PCNX1: variants seen among roughly 807,000 people sequenced by gnomAD.
The protein encoded by PCNX1 is pecanex-like protein 1.
PCNX1 carries 78 observed loss-of-function variants against 242.2 expected under a neutral mutation model. That is an observed-to-expected ratio of 0.32 (90% confidence interval 0.27 to 0.39). PCNX1 has a LOEUF of 0.39. PCNX1 is among the 10% of genes least tolerant of loss of function. PCNX1 has a pLI of 1.00. For synonymous variants in PCNX1, 1,024 were observed against 1,032.9 expected (o/e 0.99, Z 0.17); for missense variants, 2,581 against 2,856.5 (o/e 0.90, Z 2.20).
intron 1 of PCNX1, among the ~76,000 whole-genome samples, chr14:70,932,115 A>G (rs534874923): frequency 2.4e-4 from 36 of 152,324 alleles, no homozygotes; most frequent in African/African-American, 7.9e-4. Context: ...CAACAAGAGC[A>G]AAACTCCATC....
chr14:71,037,108 G>T (rs1396572172), intron 19 of PCNX1, among the ~76,000 whole-genome samples: 1 of 152,000 alleles, frequency 6.6e-6, no homozygotes, highest in African/African-American at 2.4e-5. Context: ...CTGGTGTATA[G>T]GAATGCTTGT....
intron 26 of PCNX1, among the ~76,000 whole-genome samples, chr14:71,071,446 G>T (rs2061584354): frequency 6.6e-6 from 1 of 152,158 alleles, no homozygotes; most frequent in African/African-American, 2.4e-5. Context: ...TGTTGGAGGA[G>T]GGGTTTGGTG....
intron 16 of PCNX1, among the ~76,000 whole-genome samples, chr14:71,029,126 A>G (rs538179848): frequency 6.6e-6 from 1 of 152,162 alleles, no homozygotes; most frequent in Non-Finnish European, 1.5e-5. Context: ...GAATTTAACT[A>G]CTTTTCCTAT....
intron 15 of PCNX1, among the ~76,000 whole-genome samples, chr14:71,027,487 A>C (rs1387048328): frequency 6.6e-6 from 1 of 151,960 alleles, no homozygotes; most frequent in Non-Finnish European, 1.5e-5. Context: ...TCATATCAGC[A>C]TACACCATGG....
chr14:71,090,364 T>C (rs979869392), intron 30 of PCNX1, among the ~76,000 whole-genome samples: 2 of 152,218 alleles, frequency 1.3e-5, no homozygotes, highest in African/African-American at 4.8e-5. Context: ...TTAAAGTGTA[T>C]CTGCAGTGCT....
At chr14:70,952,899 C>T (rs1349060143) in intron 2 of PCNX1, among the ~76,000 whole-genome samples, 1 of 152,106 alleles carries the variant, frequency 6.6e-6, no homozygotes, top group African/African-American at 2.4e-5. Flanking sequence ...CCTTATTGTT[C>T]ACATCTTCAT....
At chr14:70,963,311 G>A (rs1402969072) in intron 3 of PCNX1, among the ~76,000 whole-genome samples, 4 of 152,078 alleles carry the variant, frequency 2.6e-5, no homozygotes, top group Non-Finnish European at 5.9e-5. Flanking sequence ...CACTTTACAA[G>A]GCTCTACAGA....
chr14:70,936,049 G>A (rs1000677575), intron 1 of PCNX1, among the ~76,000 whole-genome samples: 3 of 152,110 alleles, frequency 2.0e-5, no homozygotes, highest in African/African-American at 4.8e-5. Flanking sequence ...CTCAGAAAAG[G>A]CTATTCAGAG....
intron 27 of PCNX1, among the ~76,000 whole-genome samples, chr14:71,074,986 T>TTC (rs1203674899): frequency 1.4e-4 from 21 of 147,640 alleles, no homozygotes; most frequent in African/African-American, 5.3e-4. Flanking sequence ...TTTTCTTTTC[T>TTC]TCTCTTTTTT....
intron 1 of PCNX1, among the ~76,000 whole-genome samples, chr14:70,924,231 CA>C (rs60333920): frequency 0.5 from 48,475 of 97,514 alleles, 8,443 homozygotes; most frequent in Middle Eastern, 0.55. Context: ...GAGACTGTCT[CA>C]AAAAAAAAAA....
intron 1 of PCNX1, among the ~76,000 whole-genome samples, chr14:70,921,475 T>G (rs1337104804): frequency 2.0e-5 from 3 of 152,160 alleles, no homozygotes; most frequent in Non-Finnish European, 4.4e-5. Context: ...AGATAAGATC[T>G]GCCTATGTTG....
chr14:70,910,869 A>G (rs2055871377), intron 1 of PCNX1, among the ~76,000 whole-genome samples: 1 of 152,200 alleles, frequency 6.6e-6, no homozygotes, highest in Non-Finnish European at 1.5e-5. Context: ...GGAACTTAAA[A>G]TCTAGCCTGG....
chr14:71,024,857 T>C (rs529180033), intron 13 of PCNX1, among the ~76,000 whole-genome samples: 160 of 152,328 alleles, frequency 1.1e-3, no homozygotes, highest in African/African-American at 3.8e-3. Context: ...TTCACATATG[T>C]GCACTGGGGA....
At chr14:71,005,898 C>T (rs1042652684) in intron 8 of PCNX1, among the ~76,000 whole-genome samples, 8 of 150,842 alleles carry the variant, frequency 5.3e-5, no homozygotes, top group African/African-American at 2.0e-4. Flanking sequence ...AATAAGACTG[C>T]TAAGAAATAC....
chr14:70,926,429 T>G (rs1034329065), intron 1 of PCNX1, among the ~76,000 whole-genome samples: 8 of 152,160 alleles, frequency 5.3e-5, no homozygotes, highest in African/African-American at 1.9e-4. Context: ...TGAACAAAAT[T>G]TGTACTGTAG....
At chr14:71,091,463 C>T (rs1202712101) in intron 30 of PCNX1, among the ~76,000 whole-genome samples, 1 of 152,150 alleles carries the variant, frequency 6.6e-6, no homozygotes, top group Admixed American at 6.5e-5. Flanking sequence ...GTTTGAACTG[C>T]ATAGCTACAT....
chr14:70,973,705 T>C (rs894892611), intron 5 of PCNX1, among the ~76,000 whole-genome samples: 2 of 152,120 alleles, frequency 1.3e-5, no homozygotes, highest in African/African-American at 4.8e-5. Flanking sequence ...CCATAATCAA[T>C]TGATAGGGAT....
intron 30 of PCNX1, among the ~76,000 whole-genome samples, chr14:71,100,098 C>T (rs2062422998): frequency 6.6e-6 from 1 of 151,876 alleles, no homozygotes. Flanking sequence ...AGGTTTTGGT[C>T]CTATTAGGAA....
intron 8 of PCNX1, among the ~76,000 whole-genome samples, chr14:70,999,256 AGTT>A (rs1247119959): frequency 1.3e-5 from 2 of 152,222 alleles, no homozygotes; most frequent in Non-Finnish European, 2.9e-5. Flanking sequence ...TATAGCTGGT[AGTT>A]ACACTCTTAA....
Sources: allele counts gnomAD v4.1 joint callset (sites outside exome capture counted in the v4.1 genomes callset), GRCh38; gene constraint gnomAD v4.1.1; transcripts MANE v1.5; gene names NCBI Gene and HGNC (gene_info 2026-07-23, HGNC 2026-07-21).